Variants in COMMD10 observed in about 807,000 individuals in gnomAD.
The protein encoded by COMMD10 is COMM domain containing 10.
COMMD10 carries 33 observed loss-of-function variants against 28.9 expected under a neutral mutation model. The observed-to-expected ratio is 1.14, with a 90% CI of 0.87 to 1.53. The LOEUF is 1.53. Ranked by LOEUF, COMMD10 falls within the 40% of genes most tolerant of loss-of-function variation. The pLI is 0.00. For synonymous variants in COMMD10, 110 were observed against 81.7 expected (o/e 1.35, Z -1.87); for missense variants, 310 against 233.4 (o/e 1.33, Z -2.14).
intron 5 of COMMD10, among the ~76,000 whole-genome samples, chr5:116,245,135 T>A (rs915622920): frequency 6.6e-6 from 1 of 151,586 alleles, no homozygotes; most frequent in African/African-American, 2.4e-5. Context: ...CACAAAATAT[T>A]CAAATAAACA....
chr5:116,290,364 T>G (rs1242877998), intron 5 of COMMD10, among the ~76,000 whole-genome samples: 1 of 134,264 alleles, frequency 7.4e-6, no homozygotes, highest in Non-Finnish European at 1.5e-5. Flanking sequence ...TTTTTTCATT[T>G]TAAAGCTTAA....
At chr5:116,104,975 T>G (rs1273595923) in intron 4 of COMMD10, among the ~76,000 whole-genome samples, 1 of 152,328 alleles carries the variant, frequency 6.6e-6, no homozygotes, top group East Asian at 1.9e-4. Flanking sequence ...TTGCCGTGGC[T>G]AGAACTTCCA....
chr5:116,111,373 C>T (rs1407210988), intron 4 of COMMD10, among the ~76,000 whole-genome samples: 1 of 150,558 alleles, frequency 6.6e-6, no homozygotes, highest in Non-Finnish European at 1.5e-5. Flanking sequence ...TGTTAATTTG[C>T]AATCTTTCTA....
chr5:116,266,695 C>T (rs1750593682), intron 5 of COMMD10, among the ~76,000 whole-genome samples: 1 of 151,690 alleles, frequency 6.6e-6, no homozygotes, highest in African/African-American at 2.4e-5. Context: ...CAAAAATCCT[C>T]AATAAAACAC....
Position 116,293,104 on chromosome 5 carries a change from TGTG to T in COMMD10, c.*616_*618del, listed in dbSNP as rs1751416065. ...GATTTAATAATAGTCCAGGTTTTTG[TGTG>T]TTTTTCTTTATACTGCAAATTAATA... On this transcript the variant is annotated 3_prime_UTR_variant, in exon 7 of 7. Coordinates refer to ENST00000274458, the MANE Select transcript of COMMD10 (RefSeq NM_016144.4). 2 of 396,648 alleles carry T rather than the reference TGTG, an allele frequency of 5.0e-6. No homozygotes were observed. The highest frequency in any genetic ancestry group is 8.9e-6 in the Non-Finnish European group (2 of 224,720). The allele number at this position is 396,648 out of a possible 1,614,324, so 24.6% of individuals were successfully genotyped here.
intron 5 of COMMD10, among the ~76,000 whole-genome samples, chr5:116,239,810 C>T (rs945551870): frequency 6.6e-6 from 1 of 152,164 alleles, no homozygotes; most frequent in African/African-American, 2.4e-5. Context: ...GCAGAGTTTA[C>T]AGCTACACAT....
intron 5 of COMMD10, among the ~76,000 whole-genome samples, chr5:116,234,206 C>T (rs1008212624): frequency 1.3e-5 from 2 of 152,070 alleles, no homozygotes; most frequent in African/African-American, 4.8e-5. Flanking sequence ...GGGAAATTCT[C>T]AGCAGCATCA....
chr5:116,112,877 C>A (rs895777772), intron 4 of COMMD10, among the ~76,000 whole-genome samples: 2 of 151,646 alleles, frequency 1.3e-5, no homozygotes, highest in African/African-American at 2.4e-5. Context: ...GTAATGGTTT[C>A]ATTTGATTCT....
chr5:116,164,991 G>T (rs1753043945), intron 5 of COMMD10, among the ~76,000 whole-genome samples: 2 of 152,184 alleles, frequency 1.3e-5, no homozygotes. Flanking sequence ...TGAAAAGTCA[G>T]TGATAAAGTC....
intron 5 of COMMD10, among the ~76,000 whole-genome samples, chr5:116,164,077 G>T (rs1415388934): frequency 6.6e-6 from 1 of 152,156 alleles, no homozygotes; most frequent in African/African-American, 2.4e-5. Context: ...AGCATTTTGG[G>T]AAGCTAAGGA....
chr5:116,149,166 C>A (rs1253367931), intron 5 of COMMD10, among the ~76,000 whole-genome samples: 2 of 138,850 alleles, frequency 1.4e-5, no homozygotes, highest in Non-Finnish European at 3.0e-5. Flanking sequence ...TCATCCATGT[C>A]CCTACAAAGG....
rs1348409575 is a variant in COMMD10, at chr5:116,100,430, G to GA, written c.399+7733dup. Among the ~76,000 whole-genome samples the GA allele has an allele frequency of 2.0e-5, 3 of 148,586 alleles. No individual in the cohort carries two copies. In the East Asian group the frequency reaches 5.9e-4, roughly 29 times the overall value. Reference sequence around the variant, plus strand: ...GCTATTTTTCCTGTATTTTTTTCTAGAAATTTTATAGTCTCAGATCTTTCA... The same window carrying GA: ...GCTATTTTTCCTGTATTTTTTTCTAGAAAATTTTATAGTCTCAGATCTTTCA... On this transcript the variant is annotated intron_variant, in intron 4 of 6. Coordinates refer to ENST00000274458, the MANE Select transcript of COMMD10 (RefSeq NM_016144.4).
intron 5 of COMMD10, among the ~76,000 whole-genome samples, chr5:116,170,098 C>G (rs1384121981): frequency 6.6e-6 from 1 of 152,152 alleles, no homozygotes; most frequent in African/African-American, 2.4e-5. Flanking sequence ...CACATTGTCT[C>G]AGCCCAAAAT....
chr5:116,107,628 C>T (rs1285062465), intron 4 of COMMD10, among the ~76,000 whole-genome samples: 2 of 151,950 alleles, frequency 1.3e-5, no homozygotes, highest in African/African-American at 4.8e-5. Flanking sequence ...TTAGAACATG[C>T]GCCTTTAGCT....
chr5:116,274,125 A>G (rs1750837132), intron 5 of COMMD10, among the ~76,000 whole-genome samples: 1 of 151,796 alleles, frequency 6.6e-6, no homozygotes, highest in South Asian at 2.1e-4. Flanking sequence ...TGAAATTTCA[A>G]CCTTGAGATG....
At chr5:116,186,626 A>G (rs965323048) in intron 5 of COMMD10, among the ~76,000 whole-genome samples, 3 of 152,096 alleles carry the variant, frequency 2.0e-5, no homozygotes, top group Non-Finnish European at 4.4e-5. Context: ...GTAATAATGT[A>G]TTTGTCATTC....
At chr5:116,196,284 G>T (rs533666963) in intron 5 of COMMD10, among the ~76,000 whole-genome samples, 10 of 152,120 alleles carry the variant, frequency 6.6e-5, no homozygotes, top group African/African-American at 2.2e-4. Context: ...CTGTTTTGTG[G>T]GAGCTAAGCT....
At chr5:116,123,530 C>CT (rs1422001354) in intron 4 of COMMD10, among the ~76,000 whole-genome samples, 1 of 152,070 alleles carries the variant, frequency 6.6e-6, no homozygotes, top group Non-Finnish European at 1.5e-5. Flanking sequence ...CTAAAGTTCT[C>CT]TTTTTTTGTC....
Position 116,256,402 on chromosome 5 carries a change from A to C in COMMD10, c.511-35115A>C, listed in dbSNP as rs567056431. On this transcript the variant is annotated intron_variant, in intron 5 of 6. Transcript: ENST00000274458. ...AAGTATAATTTAGATGTTAGTTTTA[A>C]CTATAATAGACTGTAACTCCTTGTA... is the stretch of plus-strand genomic sequence containing the variant. 5.3e-5 allele frequency among the ~76,000 whole-genome samples: 8 copies of C among 151,832 alleles called. No individual in the cohort carries two copies. In the East Asian group the frequency reaches 1.6e-3, roughly 29 times the overall value.
Sources: allele counts gnomAD v4.1 joint callset (sites outside exome capture counted in the v4.1 genomes callset), GRCh38; gene constraint gnomAD v4.1.1; transcripts MANE v1.5; gene names NCBI Gene and HGNC (gene_info 2026-07-23, HGNC 2026-07-21).